Variants in NDE1 observed in about 807,000 individuals in gnomAD.
NDE1 encodes the protein nudE neurodevelopment protein 1.
NDE1 carries 28 observed loss-of-function variants against 43.4 expected under a neutral mutation model. The ratio of observed to expected loss-of-function variants is 0.65; its 90% CI spans 0.48 to 0.89. NDE1 has a LOEUF of 0.89. Ranked by LOEUF, NDE1 falls within the 40% of genes least tolerant of loss-of-function variation. The pLI is 0.00. For synonymous variants in NDE1, 184 were observed against 172.0 expected, an observed-to-expected ratio of 1.07 and a Z score of -0.55; for missense variants, 441 against 434.1, an observed-to-expected ratio of 1.02 and a Z score of -0.14.
intron 5 of NDE1, among the ~76,000 whole-genome samples, chr16:15,688,177 TAAG>T (rs1355232537): frequency 4.0e-5 from 6 of 149,894 alleles, no homozygotes; most frequent in East Asian, 2.0e-4. Flanking sequence ...CCCTGTCTCT[TAAG>T]AAGCAAAGAT....
At chr16:15,696,897 G>A (rs1340068659) in intron 8 of NDE1, 37 bp downstream of exon 8, 2 of 1,603,474 alleles carry the variant, frequency 1.2e-6, no homozygotes, top group Non-Finnish European at 8.5e-7. Context: ...CTGGCGGGGA[G>A]AACCCGCCTG....
rs758663266 is a variant in NDE1 at position 15,721,582 on chromosome 16, C to T, written c.948-2609C>T. The T allele has an allele frequency of 1.9e-6, 3 of 1,614,202 alleles. No homozygotes were observed. In the South Asian group the frequency reaches 3.3e-5, roughly 18 times the overall value. On this transcript the variant is annotated intron_variant, in intron 8 of 8. Coordinates refer to ENST00000396354, the MANE Select transcript of NDE1 (RefSeq NM_017668.3). The stretch of plus-strand genomic sequence containing the variant: ...CTTCTCCCTGGCTTCTGCCTCAGCT[C>T]TGTCCCTCTCATCCGCGTATTTGGA...
At chr16:15,678,574 A>G (rs1206616674) in intron 4 of NDE1, among the ~76,000 whole-genome samples, 1 of 152,082 alleles carries the variant, frequency 6.6e-6, no homozygotes, top group Non-Finnish European at 1.5e-5. Flanking sequence ...CATGTTGGCC[A>G]GGCTGGTCTC....
intron 8 of NDE1, chr16:15,717,125 TC>T: frequency 1.2e-6 from 2 of 1,614,064 alleles, no homozygotes; most frequent in Non-Finnish European, 1.7e-6. Context: ...GGTTCGGAAC[TC>T]CACACCCGCA....
chr16:15,686,546 C>T lies in NDE1; in HGVS notation c.387-829C>T, dbSNP rs189013756. 4 of 985,190 alleles carry T rather than the reference C, an allele frequency of 4.1e-6. No homozygotes were observed. The Admixed American group carries it at 1.8e-4, about 45-fold the overall frequency. 61.0% of individuals were successfully genotyped at this position (985,190 alleles called of 1,614,324 possible). On this transcript the variant is annotated intron_variant, in intron 4 of 8. Coordinates refer to ENST00000396354, the MANE Select transcript of NDE1 (RefSeq NM_017668.3). ...GTGCATCTTATGCCTGGCACAATGC[C>T]TCATGCCTGTAATCTCAGTAACTCA...
chr16:15,722,695 G>A (rs895607693), intron 8 of NDE1, among the ~76,000 whole-genome samples: 1 of 152,162 alleles, frequency 6.6e-6, no homozygotes, highest in Non-Finnish European at 1.5e-5. Flanking sequence ...TCAGGGAGGG[G>A]TAGGGAACCT....
chr16:15,719,689 C>G (rs1170308208), intron 8 of NDE1: 4 of 1,614,080 alleles, frequency 2.5e-6, no homozygotes, highest in African/African-American at 2.7e-5. Context: ...TCTTCCAGCT[C>G]TCTTTGAAAG....
rs907051668 is a variant in NDE1 at position 15,721,516 on chromosome 16, G to A, written c.948-2675G>A. The A allele has an allele frequency of 4.3e-6, 7 of 1,614,184 alleles. No homozygotes were observed. Among genetic ancestry groups the A allele is most frequent in the Non-Finnish European group, 5.1e-6 (6 of 1,180,052 alleles). On this transcript the variant is annotated intron_variant, in intron 8 of 8. Coordinates refer to ENST00000396354, the MANE Select transcript of NDE1 (RefSeq NM_017668.3). ...CTCGAGTTCCTCTTTGGCTTCCAAG[G>A]CCTCTTCAAGGGCCCGAGCCAGGGA... is the stretch of plus-strand genomic sequence containing the variant.
At chr16:15,722,570 G>A (rs1047089698) in intron 8 of NDE1, among the ~76,000 whole-genome samples, 1 of 152,116 alleles carries the variant, frequency 6.6e-6, no homozygotes. Context: ...AGCAACCTCA[G>A]GCCTTCAACC....
chr16:15,689,992 A>G (rs1307120152), intron 5 of NDE1, among the ~76,000 whole-genome samples: 1 of 151,654 alleles, frequency 6.6e-6, no homozygotes, highest in East Asian at 1.9e-4. Context: ...GCTCTCCCAC[A>G]TGTTATGGTG....
chr16:15,711,640 A>G (rs1180056500), intron 8 of NDE1, among the ~76,000 whole-genome samples: 1 of 152,134 alleles, frequency 6.6e-6, no homozygotes, highest in Non-Finnish European at 1.5e-5. Flanking sequence ...AAGCGGGGAA[A>G]ATATCTAGGA....
intron 8 of NDE1, among the ~76,000 whole-genome samples, chr16:15,712,477 A>G (rs11866843): frequency 0.066 from 10,049 of 152,052 alleles, 598 homozygotes; most frequent in African/African-American, 0.15. Context: ...GTGCAACCCC[A>G]TCTCTACTAA....
At chr16:15,720,742 TAAAGA>T (rs1596717969) in intron 8 of NDE1, 3 of 1,351,264 alleles carry the variant, frequency 2.2e-6, no homozygotes, top group Non-Finnish European at 2.1e-6. Context: ...CAAAAAAAAA[TAAAGA>T]AAACGAAGTT....
chr16:15,678,035 G>A (rs181333974), intron 4 of NDE1, 86 bp downstream of exon 4: 2 of 1,532,830 alleles, frequency 1.3e-6, no homozygotes, highest in East Asian at 2.3e-5. Context: ...CCTGTGCTGA[G>A]TATAGGGAAC....
At chr16:15,673,891 A>T (rs995754030) in intron 3 of NDE1, among the ~76,000 whole-genome samples, 4 of 152,090 alleles carry the variant, frequency 2.6e-5, no homozygotes, top group Non-Finnish European at 5.9e-5. Flanking sequence ...CTGGATTGAG[A>T]TGGTTTAGGG....
chr16:15,696,623 C>T, intron 7 of NDE1, 86 bp from the exon 8 acceptor site: 1 of 1,608,346 alleles, frequency 6.2e-7, no homozygotes, highest in Non-Finnish European at 8.5e-7. Flanking sequence ...GAACCACTGT[C>T]TGGGGTTCGT....
At chr16:15,671,204 G>A (rs1260438359) in intron 3 of NDE1, among the ~76,000 whole-genome samples, 1 of 151,986 alleles carries the variant, frequency 6.6e-6, no homozygotes, top group Admixed American at 6.6e-5. Flanking sequence ...AAAGCTTCCT[G>A]TAAAAAGATG....
At chr16:15,644,833 G>C (rs1055856744) in intron 1 of NDE1, among the ~76,000 whole-genome samples, 2 of 151,606 alleles carry the variant, frequency 1.3e-5, no homozygotes, top group African/African-American at 2.4e-5. Context: ...TAAGAAACAA[G>C]GTAATTGTAG....
At chr16:15,659,053 T>C (rs1285589916) in intron 1 of NDE1, among the ~76,000 whole-genome samples, 1 of 152,174 alleles carries the variant, frequency 6.6e-6, no homozygotes, top group African/African-American at 2.4e-5. Context: ...ATGTTTTCTC[T>C]GAATGAGGGA....
Sources: gnomAD v4.1 joint callset for allele counts (sites outside exome capture counted in the v4.1 genomes callset) on GRCh38, gnomAD v4.1.1 for gene constraint, MANE v1.5 for transcripts, NCBI Gene and HGNC (gene_info 2026-07-23, HGNC 2026-07-21) for gene names.